PTP4A2: variants seen among roughly 807,000 people sequenced by gnomAD.
PTP4A2 encodes the protein protein tyrosine phosphatase 4A2, also known as protein tyrosine phosphatase type IVA 2.
In PTP4A2, 2 loss-of-function variants were observed where a neutral mutation model predicts 22.9. That is an observed-to-expected ratio of 0.09 (90% CI 0.04 to 0.27). PTP4A2 has a LOEUF of 0.27. Ranked by LOEUF, PTP4A2 falls within the 10% of genes least tolerant of loss-of-function variation. The probability of loss-of-function intolerance (pLI) is 1.00; values close to 1 mark genes in which losing one functional copy is unlikely to be tolerated. For missense variants in PTP4A2, 103 were observed against 205.1 expected (o/e 0.50, Z 3.04); for synonymous variants, 68 against 69.1 (o/e 0.98, Z 0.08).
In PTP4A2 at chr1:31,908,796, T is replaced by A; in HGVS notation, c.*56A>T. 8.1e-7 allele frequency: 1 copy of A among 1,230,740 alleles called. No individual in the cohort carries two copies. Among genetic ancestry groups the A allele is most frequent in the South Asian group, 1.2e-5 (1 of 81,560 alleles). 76.2% of individuals were successfully genotyped at this position (1,230,740 alleles called of 1,614,324 possible). ...AATATTCCAGATTCACATTTCCAGGTACCAAGAGTTCCCTCTAAATGGCAC... is the reference window on the plus strand; with the variant it reads ...AATATTCCAGATTCACATTTCCAGGAACCAAGAGTTCCCTCTAAATGGCAC... On this transcript the variant is annotated 3_prime_UTR_variant, in exon 6 of 6. Transcript: ENST00000647444.
At chr1:31,928,780 T>C (rs1569640049) in intron 1 of PTP4A2, among the ~76,000 whole-genome samples, 1 of 152,054 alleles carries the variant, frequency 6.6e-6, no homozygotes, top group East Asian at 1.9e-4. Flanking sequence ...AGGAGGGAAC[T>C]TGAGACTCAA....
chr1:31,935,445 C>G (rs1049159111), intron 1 of PTP4A2: 3 of 152,190 alleles, frequency 2.0e-5, no homozygotes, highest in Admixed American at 6.5e-5. Flanking sequence ...TAGGCCATCA[C>G]GTTGATGAGA....
At chr1:31,911,334 TCTG>T (rs1651525454) in intron 4 of PTP4A2, 1 of 160,248 alleles carries the variant, frequency 6.2e-6, no homozygotes, top group East Asian at 1.8e-4. Flanking sequence ...AGTTCAGATA[TCTG>T]CTATCTATTA....
At chr1:31,919,853 G>A (rs1353592509) in intron 1 of PTP4A2, among the ~76,000 whole-genome samples, 195 bp from the exon 2 acceptor site, 1 of 152,146 alleles carries the variant, frequency 6.6e-6, no homozygotes, top group Non-Finnish European at 1.5e-5. Context: ...CGAGCCGGGT[G>A]TGGTGGCTGA....
At chr1:31,915,824 G>T in intron 3 of PTP4A2, 71 bp downstream of exon 3, 2 of 1,034,846 alleles carry the variant, frequency 1.9e-6, no homozygotes, top group Non-Finnish European at 2.9e-6. Context: ...AGTGCACCTG[G>T]CCTAGTTTTA....
At chr1:31,924,908 A>G (rs1309351862) in intron 1 of PTP4A2, among the ~76,000 whole-genome samples, 2 of 152,202 alleles carry the variant, frequency 1.3e-5, no homozygotes, top group African/African-American at 2.4e-5. Flanking sequence ...GATAAAAAAA[A>G]AGAAAAAACT....
chr1:31,917,341 AGT>A (rs1355438234), intron 2 of PTP4A2, among the ~76,000 whole-genome samples: 1 of 152,256 alleles, frequency 6.6e-6, no homozygotes, highest in Non-Finnish European at 1.5e-5. Context: ...AGTTATCTAA[AGT>A]GTAAAATTAT....
chr1:31,909,967 C>G, intron 5 of PTP4A2, 71 bp downstream of exon 5: 1 of 1,332,134 alleles, frequency 7.5e-7, no homozygotes. Flanking sequence ...AAATGAATAT[C>G]CCTTCCATAA....
At chr1:31,933,210 G>A (rs1247723751) in intron 1 of PTP4A2, 1 of 152,248 alleles carries the variant, frequency 6.6e-6, no homozygotes, top group Non-Finnish European at 1.5e-5. Context: ...ATGTTGCCCA[G>A]GCTGGTCTCG....
intron 1 of PTP4A2, among the ~76,000 whole-genome samples, chr1:31,927,191 T>C (rs1652504478): frequency 1.3e-5 from 2 of 152,346 alleles, no homozygotes; most frequent in East Asian, 1.9e-4. Flanking sequence ...AATGAAATCA[T>C]GTCCTTTGCA....
rs765599995 is a variant in PTP4A2, at chr1:31,906,786, ACC to A, written c.*2064_*2065del. 2,942 of 82,882 alleles carry A rather than the reference ACC, an allele frequency of 0.035. 32 individuals are homozygous for A. Among genetic ancestry groups the A allele is most frequent in the Non-Finnish European group, 0.039 (1,559 of 39,698 alleles). The allele number at this position is 82,882 out of a possible 1,614,324, so 5.1% of individuals were successfully genotyped here. A position where few individuals can be genotyped will look rare whatever the true frequency, so the allele number is the denominator to read the frequency against. On this transcript the variant is annotated 3_prime_UTR_variant, in exon 6 of 6. Coordinates refer to ENST00000647444, the MANE Select transcript of PTP4A2 (RefSeq NM_080391.4). The stretch of plus-strand genomic sequence containing the variant: ...CACACACACACACACACACACACAC[ACC>A]CCCTCCCCCCAAACAACAAAATTCA...
chr1:31,908,769 G>A lies in PTP4A2; in HGVS notation c.*83C>T. Reference sequence around the variant, plus strand: ...ATCCATCACTACTTTGATGACACAGGTAATATTCCAGATTCACATTTCCAG... The same window carrying A: ...ATCCATCACTACTTTGATGACACAGATAATATTCCAGATTCACATTTCCAG... On this transcript the variant is annotated 3_prime_UTR_variant, in exon 6 of 6. Coordinates refer to ENST00000647444, the MANE Select transcript of PTP4A2 (RefSeq NM_080391.4). 1 of 934,734 alleles carries A rather than the reference G, an allele frequency of 1.1e-6. No individual in the cohort carries two copies. Among genetic ancestry groups the A allele is most frequent in the South Asian group, 1.4e-5 (1 of 71,926 alleles). The allele number at this position is 934,734 out of a possible 1,614,324, so 57.9% of individuals were successfully genotyped here.
chr1:31,914,956 T>C (rs1053056703), intron 3 of PTP4A2, among the ~76,000 whole-genome samples: 4 of 152,322 alleles, frequency 2.6e-5, no homozygotes, highest in South Asian at 4.1e-4. Flanking sequence ...GGATGCCTTC[T>C]ACCTCTCCTC....
At chr1:31,915,029 T>C (rs1651750531) in intron 3 of PTP4A2, among the ~76,000 whole-genome samples, 1 of 152,202 alleles carries the variant, frequency 6.6e-6, no homozygotes, top group African/African-American at 2.4e-5. Context: ...TAACTAATCT[T>C]GTACTTGCAA....
At chr1:31,935,402 T>C (rs975400695) in intron 1 of PTP4A2, among the ~76,000 whole-genome samples, 2 of 152,178 alleles carry the variant, frequency 1.3e-5, no homozygotes, top group African/African-American at 4.8e-5. Context: ...GCCTTCTCCA[T>C]TAGTTTCAAC....
intron 1 of PTP4A2, chr1:31,935,752 G>A (rs1652907402): frequency 6.6e-6 from 1 of 152,096 alleles, no homozygotes; most frequent in Non-Finnish European, 1.5e-5. Context: ...AATATAAAAA[G>A]CACCTGTAGC....
chr1:31,917,043 G>A (rs753613261), intron 2 of PTP4A2, among the ~76,000 whole-genome samples: 12 of 152,144 alleles, frequency 7.9e-5, no homozygotes, highest in African/African-American at 1.2e-4. Context: ...CTCTCCCTAC[G>A]GTGAATCCCT....
At position 31,908,729 on chromosome 1, in the gene PTP4A2, G is replaced by A. The variant is rs980160865; in HGVS notation, c.*123C>T. 7.9e-6 allele frequency: 5 copies of A among 636,006 alleles called. No homozygotes were observed. Among genetic ancestry groups the A allele is most frequent in the Middle Eastern group, 4.4e-4 (1 of 2,292 alleles). 39.4% of individuals were successfully genotyped at this position (636,006 alleles called of 1,614,324 possible). ...TTTTGTTCCAATCATTAGGAGAGTG[G>A]TTGAGGAGTACTGAATCCATCACTA... On this transcript the variant is annotated 3_prime_UTR_variant, in exon 6 of 6. Coordinates refer to ENST00000647444, the MANE Select transcript of PTP4A2 (RefSeq NM_080391.4).
intron 3 of PTP4A2, chr1:31,913,834 A>T (rs565775643): frequency 2.5e-4 from 112 of 456,096 alleles, no homozygotes; most frequent in Non-Finnish European, 4.6e-4. Context: ...TCATTTTCTC[A>T]CTCTGCCATC....
Sources: gnomAD v4.1 joint callset for allele counts (sites outside exome capture counted in the v4.1 genomes callset) on GRCh38, gnomAD v4.1.1 for gene constraint, MANE v1.5 for transcripts, NCBI Gene and HGNC (gene_info 2026-07-23, HGNC 2026-07-21) for gene names.